SMURF2: variants seen among roughly 807,000 people sequenced by gnomAD.
SMURF2 encodes E3 ubiquitin-protein ligase SMURF2.
SMURF2 carries 48 observed loss-of-function variants against 109.6 expected under a neutral mutation model. That is an observed-to-expected ratio of 0.44 (90% CI 0.35 to 0.56). The LOEUF (loss-of-function observed/expected upper bound fraction) is 0.56, where lower values mean the gene tolerates loss of function less well. Ranked by LOEUF, SMURF2 falls within the 20% of genes least tolerant of loss-of-function variation. The pLI is 0.01. For missense variants in SMURF2, 575 were observed against 909.0 expected, an observed-to-expected ratio of 0.63 and a Z score of 4.72; for synonymous variants, 288 against 317.1, an observed-to-expected ratio of 0.91 and a Z score of 0.97.
intron 1 of SMURF2, among the ~76,000 whole-genome samples, chr17:64,625,095 T>A (rs1459693504): frequency 6.6e-6 from 1 of 152,196 alleles, no homozygotes; most frequent in East Asian, 1.9e-4. Context: ...CTCCTGACTC[T>A]AGGGGGCCAC....
At chr17:64,550,776 AAG>A (rs1214549785) in intron 16 of SMURF2, among the ~76,000 whole-genome samples, 3 of 150,336 alleles carry the variant, frequency 2.0e-5, no homozygotes. Flanking sequence ...AAAAAAAAAA[AAG>A]AGAGAGACAT....
intron 10 of SMURF2, among the ~76,000 whole-genome samples, chr17:64,567,002 C>A (rs1355244468): frequency 6.6e-6 from 1 of 151,798 alleles, no homozygotes; most frequent in Non-Finnish European, 1.5e-5. Context: ...TCCCGAGTAG[C>A]TGGGATTACA....
intron 1 of SMURF2, among the ~76,000 whole-genome samples, chr17:64,615,508 C>A (rs1304076082): frequency 6.6e-6 from 1 of 152,182 alleles, no homozygotes; most frequent in Non-Finnish European, 1.5e-5. Context: ...TGACCAGTGG[C>A]ACATGACAGC....
At chr17:64,592,074 A>G (rs1273722897) in intron 4 of SMURF2, among the ~76,000 whole-genome samples, 1 of 152,220 alleles carries the variant, frequency 6.6e-6, no homozygotes, top group Non-Finnish European at 1.5e-5. Context: ...AGCTGGCTAT[A>G]CAGTGGATTC....
chr17:64,650,196 A>C (rs78754136), intron 1 of SMURF2, among the ~76,000 whole-genome samples: 12,509 of 148,072 alleles, frequency 0.084, 1,236 homozygotes, highest in African/African-American at 0.24. Flanking sequence ...AAAATAAATA[A>C]GACTTGCCTT....
At chr17:64,634,512 G>A (rs1482069246) in intron 1 of SMURF2, among the ~76,000 whole-genome samples, 1 of 152,146 alleles carries the variant, frequency 6.6e-6, no homozygotes, top group Non-Finnish European at 1.5e-5. Flanking sequence ...TCTTCCTAGA[G>A]ATAGGTGATA....
chr17:64,569,741 A>G (rs1017170222), intron 10 of SMURF2, among the ~76,000 whole-genome samples: 1 of 152,230 alleles, frequency 6.6e-6, no homozygotes, highest in African/African-American at 2.4e-5. Flanking sequence ...ATTGCCGGTA[A>G]AAGACTAAAC....
intron 10 of SMURF2, among the ~76,000 whole-genome samples, chr17:64,571,357 T>TA (rs1969396795): frequency 6.6e-6 from 1 of 152,096 alleles, no homozygotes; most frequent in African/African-American, 2.4e-5. Context: ...GTCACACTCT[T>TA]ACATAAATTT....
rs536417462 is a variant in SMURF2 at position 64,550,625 on chromosome 17, C to T, written c.1869+959G>A. 1.4e-3 allele frequency among the ~76,000 whole-genome samples: 207 copies of T among 152,134 alleles called. 2 individuals are homozygous for T. Among genetic ancestry groups the T allele is most frequent in the Non-Finnish European group, 2.0e-3 (139 of 67,968 alleles). Reference sequence around the variant, plus strand: ...TGAAACCCCGTTTCTACTAAAAATACAAAAATTAGCTGGACGTGGTGGCAG... The same window carrying T: ...TGAAACCCCGTTTCTACTAAAAATATAAAAATTAGCTGGACGTGGTGGCAG... On this transcript the variant is annotated intron_variant, in intron 16 of 18. Coordinates refer to ENST00000262435, the MANE Select transcript of SMURF2 (RefSeq NM_022739.4).
In SMURF2 at chr17:64,547,006, G is replaced by A. The variant is rs546533696; in HGVS notation, c.2071+594C>T. On this transcript the variant is annotated intron_variant, in intron 17 of 18. Transcript: ENST00000262435. The surrounding 1 kb of genome is among the most constrained non-coding windows in gnomAD (Gnocchi z 4.2). ...GCAGCTTTGAAAATGAAGTGCTTAA[G>A]AGGTAAAGGAAGCAACTGCCACCCA... 1.3e-5 allele frequency among the ~76,000 whole-genome samples: 2 copies of A among 152,362 alleles called. No homozygotes were observed. The highest frequency in any genetic ancestry group is 4.8e-5 in the African/African-American group (2 of 41,588).
intron 11 of SMURF2, 30 bp downstream of exon 11, chr17:64,562,741 A>T (rs782763355): frequency 1.5e-5 from 24 of 1,595,116 alleles, no homozygotes; most frequent in African/African-American, 1.1e-4. Context: ...AAAAAAAAAT[A>T]GTAAAACAAA....
intron 1 of SMURF2, among the ~76,000 whole-genome samples, chr17:64,644,413 C>A (rs1970531150): frequency 6.8e-6 from 1 of 146,786 alleles, no homozygotes; most frequent in Non-Finnish European, 1.5e-5. Context: ...ATCAGAACCT[C>A]ATCTCTACTA....
chr17:64,545,455 T>C lies in SMURF2; in HGVS notation c.*393A>G, dbSNP rs1341940917. The C allele has an allele frequency of 6.4e-6, 1 of 157,094 alleles. No homozygotes were observed. Among genetic ancestry groups the C allele is most frequent in the Non-Finnish European group, 1.4e-5 (1 of 71,040 alleles). The allele number at this position is 157,094 out of a possible 1,614,324, so 9.7% of individuals were successfully genotyped here. On this transcript the variant is annotated 3_prime_UTR_variant, in exon 19 of 19. Transcript: ENST00000262435. ...AAAATGAAATGTGACTTGTACCGAC[T>C]GCTGAAGTTGTCTTGATGTTTGAGA... is the stretch of plus-strand genomic sequence containing the variant.
At chr17:64,560,770 G>C (rs1362915986) in intron 12 of SMURF2, 4 of 150,818 alleles carry the variant, frequency 2.7e-5, no homozygotes, top group African/African-American at 9.8e-5. Flanking sequence ...AGAATAGCCT[G>C]GGCAACATGG....
intron 15 of SMURF2, 118 bp from the exon 16 acceptor site, chr17:64,551,822 A>G (rs1969050336): frequency 7.9e-7 from 1 of 1,272,606 alleles, no homozygotes; most frequent in East Asian, 2.5e-5. Context: ...TTAACGGTTT[A>G]GCCTCAAGTC....
intron 16 of SMURF2, among the ~76,000 whole-genome samples, chr17:64,549,386 TGAGCTAGGATCATG>T (rs1290528980): frequency 1.3e-5 from 2 of 148,224 alleles, no homozygotes; most frequent in Non-Finnish European, 3.0e-5. Context: ...GAGTTAACAG[TGAGCTAGGATCATG>T]GTACTGCACT....
chr17:64,583,380 A>C, intron 7 of SMURF2, 81 bp downstream of exon 7: 1 of 1,161,024 alleles, frequency 8.6e-7, no homozygotes, highest in Admixed American at 1.8e-5. Flanking sequence ...AAAAAAATCT[A>C]GTAAAGCTGA....
chr17:64,554,758 G>GT, intron 15 of SMURF2, 98 bp downstream of exon 15: 5 of 1,115,794 alleles, frequency 4.5e-6, no homozygotes, highest in Non-Finnish European at 6.4e-6. Context: ...AGCGGATTTT[G>GT]TAACACTAAG....
At chr17:64,633,653 T>C (rs1474767347) in intron 1 of SMURF2, among the ~76,000 whole-genome samples, 5 of 152,212 alleles carry the variant, frequency 3.3e-5, no homozygotes, top group African/African-American at 1.2e-4. Flanking sequence ...ACAACTTCAG[T>C]TGATTAGAGG....
Sources: gnomAD v4.1 joint callset for allele counts (sites outside exome capture counted in the v4.1 genomes callset) on GRCh38, gnomAD v4.1.1 for gene constraint, Gnocchi (gnomAD v3.1) non-coding constraint, MANE v1.5 for transcripts, NCBI Gene and HGNC (gene_info 2026-07-23, HGNC 2026-07-21) for gene names.